Variants in NFIB observed in about 807,000 individuals in gnomAD.
NFIB encodes nuclear factor I B.
Under a neutral mutation model 61.5 loss-of-function variants are expected in NFIB, and 11 were observed. The ratio of observed to expected loss-of-function variants is 0.18; its 90% CI spans 0.11 to 0.30. The LOEUF (loss-of-function observed/expected upper bound fraction) is 0.30, where lower values mean the gene tolerates loss of function less well. NFIB is among the 10% of genes least tolerant of loss of function. The pLI, the probability that NFIB is intolerant of heterozygous loss-of-function variation, is 1.00. For missense variants in NFIB, 471 were observed against 608.9 expected (o/e 0.77, Z 2.38); for synonymous variants, 260 against 216.5 (o/e 1.20, Z -1.76).
intron 1 of NFIB, among the ~76,000 whole-genome samples, chr9:14,337,713 T>C (rs2060901311): frequency 6.6e-6 from 1 of 152,236 alleles, no homozygotes; most frequent in Non-Finnish European, 1.5e-5. Flanking sequence ...TGATGTCATT[T>C]TGAAGACCTT....
intron 2 of NFIB, among the ~76,000 whole-genome samples, chr9:14,184,776 T>C (rs576503987): frequency 1.1e-4 from 17 of 152,310 alleles, no homozygotes; most frequent in African/African-American, 4.1e-4. Context: ...ATCCCAGCAC[T>C]TTTGGAGGCT....
the NFIB span, among the ~76,000 whole-genome samples, chr9:14,454,755 T>G: frequency 1.3e-5 from 2 of 152,246 alleles, no homozygotes; most frequent in Non-Finnish European, 2.9e-5. Context: ...TACCAGAATG[T>G]TATAGTACCA....
chr9:14,510,822 G>GT, the NFIB span, among the ~76,000 whole-genome samples: 1 of 151,992 alleles, frequency 6.6e-6, no homozygotes, highest in Non-Finnish European at 1.5e-5. Flanking sequence ...ATTTCTATGT[G>GT]TTTTTTTATG....
the NFIB span, among the ~76,000 whole-genome samples, chr9:14,440,743 G>A: frequency 6.6e-6 from 1 of 152,214 alleles, no homozygotes; most frequent in Non-Finnish European, 1.5e-5. Flanking sequence ...AATGAATAGA[G>A]AATTAACACT....
chr9:14,469,566 T>G, the NFIB span, among the ~76,000 whole-genome samples: 1 of 152,194 alleles, frequency 6.6e-6, no homozygotes, highest in South Asian at 2.1e-4. Flanking sequence ...GCATGCATGC[T>G]CCTAAATCCT....
At chr9:14,259,054 T>G (rs2056495982) in intron 2 of NFIB, among the ~76,000 whole-genome samples, 1 of 152,188 alleles carries the variant, frequency 6.6e-6, no homozygotes, top group Non-Finnish European at 1.5e-5. Context: ...TGGTTTTGCC[T>G]TAGGACAAAT....
chr9:14,451,570 C>T, the NFIB span, among the ~76,000 whole-genome samples: 2 of 152,066 alleles, frequency 1.3e-5, no homozygotes, highest in Non-Finnish European at 2.9e-5. Flanking sequence ...CACTTCAGGC[C>T]GAACATAAGT....
chr9:14,235,332 A>G (rs1053906594), intron 2 of NFIB, among the ~76,000 whole-genome samples: 1 of 152,220 alleles, frequency 6.6e-6, no homozygotes, highest in African/African-American at 2.4e-5. Context: ...CAGTATTGCC[A>G]GCCCCGACCT....
intron 2 of NFIB, among the ~76,000 whole-genome samples, chr9:14,291,815 AG>A (rs1451504701): frequency 6.6e-6 from 1 of 151,622 alleles, no homozygotes; most frequent in Non-Finnish European, 1.5e-5. Context: ...AAAAAAAAAA[AG>A]TTTTCTTATA....
At chr9:14,352,629 G>A (rs767111945) in intron 1 of NFIB, among the ~76,000 whole-genome samples, 19 of 152,276 alleles carry the variant, frequency 1.2e-4, no homozygotes, top group Non-Finnish European at 2.2e-4. Flanking sequence ...TCTGTCACCC[G>A]GGCCCTCAGT....
the NFIB span, among the ~76,000 whole-genome samples, chr9:14,409,834 T>C: frequency 6.6e-6 from 1 of 152,202 alleles, no homozygotes; most frequent in Non-Finnish European, 1.5e-5. Context: ...GAGAAGGTAT[T>C]ATAAACAATT....
the NFIB span, among the ~76,000 whole-genome samples, chr9:14,465,012 G>T: frequency 3.9e-5 from 6 of 152,092 alleles, no homozygotes; most frequent in African/African-American, 1.4e-4. Flanking sequence ...AGATAAATGA[G>T]AACAGTCAGT....
chr9:14,383,083 C>A (rs1384567836), intron 1 of NFIB, among the ~76,000 whole-genome samples: 5 of 151,844 alleles, frequency 3.3e-5, no homozygotes, highest in East Asian at 1.9e-4. Flanking sequence ...AGGAATATGA[C>A]AAAAAATTGA....
At chr9:14,303,091 C>T (rs1254420511) in intron 2 of NFIB, among the ~76,000 whole-genome samples, 1 of 152,162 alleles carries the variant, frequency 6.6e-6, no homozygotes, top group Admixed American at 6.5e-5. Context: ...TTAAAGTTTT[C>T]TCTCTCTCTT....
chr9:14,159,167 C>A (rs1420323129), intron 3 of NFIB, among the ~76,000 whole-genome samples: 1 of 152,038 alleles, frequency 6.6e-6, no homozygotes, highest in African/African-American at 2.4e-5. Flanking sequence ...GTCAGGCAGT[C>A]AAACACAGAC....
intron 1 of NFIB, among the ~76,000 whole-genome samples, chr9:14,395,811 G>T (rs1333251057): frequency 1.4e-5 from 2 of 142,426 alleles, no homozygotes; most frequent in African/African-American, 5.3e-5. Context: ...ATAGCCATGG[G>T]TTGCTTCTGG....
In NFIB at chr9:14,088,195, C is replaced by A; in HGVS notation, c.*114G>T. The stretch of plus-strand genomic sequence containing the variant: ...TAAACTATTGTTGTGTTTCTTTTTC[C>A]CTCAGTTGCTTGTTTCTGCTTGAAG... On this transcript the variant is annotated 3_prime_UTR_variant, in exon 11 of 11. Coordinates refer to ENST00000380953, the MANE Select transcript of NFIB (RefSeq NM_001190737.2). 6.6e-7 allele frequency: 1 copy of A among 1,511,632 alleles called. No individual in the cohort carries two copies. The highest frequency in any genetic ancestry group is 8.9e-7 in the Non-Finnish European group (1 of 1,125,020). 93.6% of individuals were successfully genotyped at this position (1,511,632 alleles called of 1,614,324 possible). A position where few individuals can be genotyped will look rare whatever the true frequency, so the allele number is the denominator to read the frequency against.
chr9:14,385,934 C>T (rs922767507), intron 1 of NFIB, among the ~76,000 whole-genome samples: 1 of 151,954 alleles, frequency 6.6e-6, no homozygotes, highest in South Asian at 2.1e-4. Context: ...AGGCATGTTC[C>T]ACGGCACCCA....
intron 1 of NFIB, among the ~76,000 whole-genome samples, chr9:14,350,466 C>G (rs2061093313): frequency 1.3e-5 from 2 of 151,988 alleles, no homozygotes; most frequent in African/African-American, 4.8e-5. Flanking sequence ...CTGCAAATCG[C>G]CACCCCCGCT....
Sources: gnomAD v4.1 joint callset for allele counts (sites outside exome capture counted in the v4.1 genomes callset) on GRCh38, gnomAD v4.1.1 for gene constraint, MANE v1.5 for transcripts, NCBI Gene and HGNC (gene_info 2026-07-23, HGNC 2026-07-21) for gene names.